Variants in CCSER1 observed in about 807,000 individuals in gnomAD.
CCSER1 encodes the protein serine-rich coiled-coil domain-containing protein 1.
In CCSER1, 41 loss-of-function variants were observed where a neutral mutation model predicts 82.0. The ratio of observed to expected loss-of-function variants is 0.50; its 90% CI spans 0.39 to 0.65. CCSER1 has a LOEUF of 0.65. Among genes scored for constraint, CCSER1 ranks in the 30% least tolerant of loss-of-function variants. The pLI is 0.00. For missense variants in CCSER1, 1,119 were observed against 1,064.2 expected, an observed-to-expected ratio of 1.05 and a Z score of -0.72; for synonymous variants, 414 against 383.9, an observed-to-expected ratio of 1.08 and a Z score of -0.92.
intron 6 of CCSER1, among the ~76,000 whole-genome samples, chr4:90,663,546 A>G (rs540122061): frequency 4.7e-4 from 72 of 152,206 alleles, no homozygotes; most frequent in Non-Finnish European, 7.5e-4. Flanking sequence ...GCTAGAATGC[A>G]GTGGCACAAT....
chr4:90,433,753 C>T (rs1758623486), intron 4 of CCSER1, among the ~76,000 whole-genome samples: 1 of 151,792 alleles, frequency 6.6e-6, no homozygotes, highest in Admixed American at 6.6e-5. Flanking sequence ...TCTATCTTTT[C>T]TTCTAATAAT....
At chr4:91,193,617 C>A (rs1375320144) in intron 10 of CCSER1, among the ~76,000 whole-genome samples, 1 of 152,166 alleles carries the variant, frequency 6.6e-6, no homozygotes, top group African/African-American at 2.4e-5. Context: ...ACAAATATTA[C>A]ATGAATATAA....
chr4:90,311,859 A>G (rs1281576678), intron 2 of CCSER1, among the ~76,000 whole-genome samples: 1 of 152,146 alleles, frequency 6.6e-6, no homozygotes, highest in Non-Finnish European at 1.5e-5. Flanking sequence ...CATTCAGCAA[A>G]TATTTATTGT....
At chr4:90,523,792 G>T (rs576029761) in intron 5 of CCSER1, among the ~76,000 whole-genome samples, 1 of 152,102 alleles carries the variant, frequency 6.6e-6, no homozygotes, top group African/African-American at 2.4e-5. Context: ...CTAAAAGTTT[G>T]TGGAAGAATT....
At chr4:90,620,994 T>G (rs1318176122) in intron 5 of CCSER1, among the ~76,000 whole-genome samples, 1 of 152,018 alleles carries the variant, frequency 6.6e-6, no homozygotes, top group East Asian at 1.9e-4. Flanking sequence ...TGTATTTTTA[T>G]TTTTAGTAGG....
At chr4:90,553,898 G>C (rs1473488089) in intron 5 of CCSER1, among the ~76,000 whole-genome samples, 1 of 152,188 alleles carries the variant, frequency 6.6e-6, no homozygotes. Context: ...AGGAGATACT[G>C]TTTACTCACC....
At chr4:91,566,469 C>T (rs1049106543) in intron 10 of CCSER1, among the ~76,000 whole-genome samples, 2 of 151,914 alleles carry the variant, frequency 1.3e-5, no homozygotes, top group Non-Finnish European at 2.9e-5. Context: ...AATGACACTA[C>T]CTCTTCTTTG....
chr4:90,178,704 T>C (rs1479197695), intron 1 of CCSER1, among the ~76,000 whole-genome samples: 1 of 152,056 alleles, frequency 6.6e-6, no homozygotes, highest in East Asian at 1.9e-4. Flanking sequence ...ATGACAACAA[T>C]AGTAAGGGAA....
intron 3 of CCSER1, among the ~76,000 whole-genome samples, chr4:90,330,775 G>A (rs1370969576): frequency 6.6e-6 from 1 of 152,058 alleles, no homozygotes; most frequent in Non-Finnish European, 1.5e-5. Context: ...TTACTATTAC[G>A]CTGCTGGAAG....
At chr4:90,208,766 CA>C (rs1198047689) in intron 1 of CCSER1, among the ~76,000 whole-genome samples, 2 of 152,112 alleles carry the variant, frequency 1.3e-5, no homozygotes, top group Non-Finnish European at 2.9e-5. Flanking sequence ...GGGAGTTCCC[CA>C]ACCCCTTTTG....
At position 91,099,600 on chromosome 4, in the gene CCSER1, C is replaced by CTG. The variant is rs145749077; in HGVS notation, c.2217+13606_2217+13607insTG. ...TTTTACATTTTAGAGAGGCATGAGA[C>CTG]ATCAATCAAATACATTTAAGAAATA... On this transcript the variant is annotated intron_variant, in intron 10 of 10. Transcript: ENST00000509176. Among the ~76,000 whole-genome samples, 373 of 152,116 alleles carry CTG rather than the reference C, an allele frequency of 2.5e-3. 4 individuals are homozygous for CTG. Among genetic ancestry groups the CTG allele is most frequent in the Middle Eastern group, 0.01 (3 of 294 alleles).
At chr4:91,051,611 T>G (rs1243529149) in intron 9 of CCSER1, among the ~76,000 whole-genome samples, 1 of 152,158 alleles carries the variant, frequency 6.6e-6, no homozygotes, top group East Asian at 1.9e-4. Flanking sequence ...AATGGATTGA[T>G]GGTCCATTAA....
At chr4:90,208,441 T>C (rs776047758) in intron 1 of CCSER1, among the ~76,000 whole-genome samples, 2 of 151,984 alleles carry the variant, frequency 1.3e-5, no homozygotes, top group African/African-American at 2.4e-5. Flanking sequence ...TGCTGGGCTC[T>C]GTAGACATGG....
At chr4:90,200,976 A>G (rs929138370) in intron 1 of CCSER1, among the ~76,000 whole-genome samples, 19 of 152,118 alleles carry the variant, frequency 1.2e-4, no homozygotes, top group African/African-American at 4.6e-4. Flanking sequence ...ATGGTATCAT[A>G]TATGCAGATA....
intron 10 of CCSER1, among the ~76,000 whole-genome samples, chr4:91,148,333 C>T (rs575782782): frequency 1.4e-3 from 220 of 152,086 alleles, no homozygotes; most frequent in African/African-American, 5.0e-3. Flanking sequence ...AGATATACCA[C>T]GCAGAGTTTT....
chr4:90,271,856 ATATATATTTTTTTTTTT>A (rs1255895012), intron 1 of CCSER1, among the ~76,000 whole-genome samples: 26 of 26,084 alleles, frequency 1.0e-3, no homozygotes, highest in East Asian at 9.4e-3. Context: ...ATATATATAT[ATATATATTTTTTTTTTT>A]TTTTTTTTTT....
chr4:91,441,733 G>C (rs931959598), intron 10 of CCSER1, among the ~76,000 whole-genome samples: 4 of 152,100 alleles, frequency 2.6e-5, no homozygotes, highest in Non-Finnish European at 4.4e-5. Flanking sequence ...CATTGTCTCA[G>C]CCCAAAATCT....
intron 9 of CCSER1, among the ~76,000 whole-genome samples, chr4:90,991,307 G>C (rs1203779189): frequency 6.6e-6 from 1 of 151,918 alleles, no homozygotes; most frequent in Non-Finnish European, 1.5e-5. Context: ...CACAAACTAG[G>C]TGGCTTAAAA....
At chr4:90,141,596 A>T (rs1724806016) in intron 1 of CCSER1, among the ~76,000 whole-genome samples, 1 of 152,224 alleles carries the variant, frequency 6.6e-6, no homozygotes, top group African/African-American at 2.4e-5. Flanking sequence ...AATAATTTTT[A>T]AAAAATGAAT....
Sources: gnomAD v4.1 joint callset for allele counts (sites outside exome capture counted in the v4.1 genomes callset) on GRCh38, gnomAD v4.1.1 for gene constraint, MANE v1.5 for transcripts, NCBI Gene and HGNC (gene_info 2026-07-23, HGNC 2026-07-21) for gene names.